PTPN13: variants seen among roughly 807,000 people sequenced by gnomAD.
The protein encoded by PTPN13 is tyrosine-protein phosphatase non-receptor type 13.
In PTPN13, 191 loss-of-function variants were observed where a neutral mutation model predicts 284.0. That is an observed-to-expected ratio of 0.67 (90% CI 0.60 to 0.76). The LOEUF is 0.76. Ranked by LOEUF, PTPN13 falls within the 30% of genes least tolerant of loss-of-function variation. The pLI is 0.00. For missense variants in PTPN13, 2,797 were observed against 2,939.9 expected (o/e 0.95, Z 1.12); for synonymous variants, 986 against 1,022.3 (o/e 0.96, Z 0.68).
At chr4:86,694,847 A>C (rs1730440412) in intron 6 of PTPN13, among the ~76,000 whole-genome samples, 1 of 152,154 alleles carries the variant, frequency 6.6e-6, no homozygotes, top group Non-Finnish European at 1.5e-5. Flanking sequence ...AGATTGCTTA[A>C]ATATATTCTA....
chr4:86,710,271 A>G (rs1732242959), intron 7 of PTPN13, among the ~76,000 whole-genome samples: 1 of 152,196 alleles, frequency 6.6e-6, no homozygotes, highest in African/African-American at 2.4e-5. Context: ...TTTCTCTTCG[A>G]AACTTGTGTC....
intron 2 of PTPN13, chr4:86,661,016 C>A: frequency 2.5e-6 from 1 of 406,872 alleles, no homozygotes; most frequent in South Asian, 1.8e-5. Flanking sequence ...TGAGGTATAA[C>A]ATATATTGCA....
At chr4:86,750,364 C>A in intron 17 of PTPN13, 106 bp from the exon 18 acceptor site, 1 of 1,042,656 alleles carries the variant, frequency 9.6e-7, no homozygotes, top group South Asian at 1.7e-5. Flanking sequence ...CTTATGCTGG[C>A]AATCAAAATG....
At chr4:86,616,633 A>G (rs981747264) in intron 1 of PTPN13, among the ~76,000 whole-genome samples, 1 of 151,882 alleles carries the variant, frequency 6.6e-6, no homozygotes, top group East Asian at 1.9e-4. Context: ...ATACGAGGTC[A>G]GGTTGTTTAA....
chr4:86,774,190 ACAGT>A (rs1330859552), intron 32 of PTPN13, among the ~76,000 whole-genome samples, 179 bp from the exon 33 acceptor site: 1 of 151,978 alleles, frequency 6.6e-6, no homozygotes, highest in East Asian at 1.9e-4. Context: ...CAGTGGGGGG[ACAGT>A]CTGTCTAGAA....
chr4:86,685,716 T>TG (rs1215439677), intron 3 of PTPN13, among the ~76,000 whole-genome samples: 1 of 152,200 alleles, frequency 6.6e-6, no homozygotes, highest in East Asian at 1.9e-4. Context: ...AAAAGGTTTG[T>TG]GAAAAACTCT....
At chr4:86,807,172 A>G (rs1744748003) in intron 44 of PTPN13, among the ~76,000 whole-genome samples, 1 of 152,112 alleles carries the variant, frequency 6.6e-6, no homozygotes, top group Non-Finnish European at 1.5e-5. Flanking sequence ...TTTCAGTGCT[A>G]TTATTATTAT....
At chr4:86,679,201 C>T (rs549198269) in intron 3 of PTPN13, among the ~76,000 whole-genome samples, 2 of 152,326 alleles carry the variant, frequency 1.3e-5, no homozygotes, top group African/African-American at 2.4e-5. Context: ...ACTCTTTTCA[C>T]CCAGACTCAT....
chr4:86,687,953 T>G (rs1289221495), intron 4 of PTPN13, among the ~76,000 whole-genome samples: 1 of 152,222 alleles, frequency 6.6e-6, no homozygotes, highest in Non-Finnish European at 1.5e-5. Context: ...AGTACCTACC[T>G]TGTGTCAGAT....
intron 23 of PTPN13, among the ~76,000 whole-genome samples, chr4:86,760,101 T>G (rs1483200746): frequency 6.6e-6 from 1 of 152,186 alleles, no homozygotes; most frequent in Non-Finnish European, 1.5e-5. Flanking sequence ...TTGAGTATGA[T>G]TTCTTCTTAC....
At chr4:86,715,286 G>A (rs1295626297) in intron 7 of PTPN13, among the ~76,000 whole-genome samples, 3 of 151,796 alleles carry the variant, frequency 2.0e-5, no homozygotes, top group Admixed American at 2.0e-4. Flanking sequence ...ATATATGTGT[G>A]AGTATGTGTT....
rs772983844 is a variant in PTPN13, at chr4:86,689,018, G to A, written c.374G>A (p.Gly125Glu). 6.4e-7 allele frequency: 1 copy of A among 1,561,360 alleles called. No individual in the cohort carries two copies. Among genetic ancestry groups the A allele is most frequent in the East Asian group, 2.2e-5 (1 of 44,614 alleles). The part of the protein sequence containing the change: ...EVPQSQPIKL[G>E]DHLNSILLGM... ...ATTTATATTCAGCCTATTAAGCTTGGAGATCATCTCAACAGCATACTGCTT... is the reference window on the plus strand; with the variant it reads ...ATTTATATTCAGCCTATTAAGCTTGAAGATCATCTCAACAGCATACTGCTT... Residue 125 changes from glycine (G) to glutamate (E), a missense_variant, in exon 5 of 48, where the codon GGA (glycine) becomes GAA (glutamate). By Grantham distance (98) the Gly-to-Glu change is moderately conservative. Coordinates refer to ENST00000411767, the MANE Select transcript of PTPN13 (RefSeq NM_080683.3).
At chr4:86,660,158 G>A (rs1199961137) in intron 2 of PTPN13, among the ~76,000 whole-genome samples, 1 of 152,166 alleles carries the variant, frequency 6.6e-6, no homozygotes, top group African/African-American at 2.4e-5. Flanking sequence ...ACAGTAGTAT[G>A]TGAGACTGAT....
At chr4:86,708,186 T>C (rs556196811) in intron 7 of PTPN13, among the ~76,000 whole-genome samples, 1 of 152,296 alleles carries the variant, frequency 6.6e-6, no homozygotes, top group African/African-American at 2.4e-5. Flanking sequence ...ACTTACATAG[T>C]TACATGTGGC....
At chr4:86,728,390 A>G (rs184055783) in intron 10 of PTPN13, among the ~76,000 whole-genome samples, 16 of 148,868 alleles carry the variant, frequency 1.1e-4, no homozygotes, top group African/African-American at 3.9e-4. Flanking sequence ...CTGTCTCCTT[A>G]TCTGTCTAAT....
chr4:86,620,454 C>A (rs558304129), intron 1 of PTPN13, among the ~76,000 whole-genome samples: 1 of 152,076 alleles, frequency 6.6e-6, no homozygotes, highest in Non-Finnish European at 1.5e-5. Flanking sequence ...GCACTGCACC[C>A]GCAGAAATTT....
intron 31 of PTPN13, among the ~76,000 whole-genome samples, chr4:86,771,785 T>A (rs1740031530): frequency 6.6e-6 from 1 of 152,212 alleles, no homozygotes; most frequent in Non-Finnish European, 1.5e-5. Flanking sequence ...CTGAGAAAGT[T>A]ATTTGTATTT....
intron 2 of PTPN13, among the ~76,000 whole-genome samples, chr4:86,665,322 A>C (rs1717877611): frequency 6.6e-6 from 1 of 152,180 alleles, no homozygotes; most frequent in Non-Finnish European, 1.5e-5. Flanking sequence ...ATTTGGAGTA[A>C]CATGTTTGCA....
chr4:86,772,120 C>T (rs950480846), intron 31 of PTPN13, among the ~76,000 whole-genome samples: 1 of 152,116 alleles, frequency 6.6e-6, no homozygotes, highest in African/African-American at 2.4e-5. Context: ...TTTTATTCTT[C>T]TTTCTTCTTT....
Sources: gnomAD v4.1 joint callset for allele counts (sites outside exome capture counted in the v4.1 genomes callset) on GRCh38, gnomAD v4.1.1 for gene constraint, MANE v1.5 for transcripts, NCBI Gene and HGNC (gene_info 2026-07-23, HGNC 2026-07-21) for gene names.